SLC25A36: variants seen among roughly 807,000 people sequenced by gnomAD.
SLC25A36 encodes epididymis secretory sperm binding protein.
In SLC25A36, 24 loss-of-function variants were observed where a neutral mutation model predicts 35.3. That is an observed-to-expected ratio of 0.68 (90% CI 0.49 to 0.96). SLC25A36 has a LOEUF of 0.96. SLC25A36 is among the 40% of genes least tolerant of loss of function. SLC25A36 has a pLI of 0.00. For synonymous variants in SLC25A36, 141 were observed against 132.2 expected, an observed-to-expected ratio of 1.07 and a Z score of -0.46; for missense variants, 294 against 381.1, an observed-to-expected ratio of 0.77 and a Z score of 1.90.
chr3:140,966,396 G>C (rs1196251297), intron 4 of SLC25A36: 1 of 309,184 alleles, frequency 3.2e-6, no homozygotes, highest in Admixed American at 3.4e-5. Context: ...CATAAGTATG[G>C]ATGTGCAATA....
At chr3:140,959,297 G>T (rs937672616) in intron 2 of SLC25A36, among the ~76,000 whole-genome samples, 166 bp from the exon 3 acceptor site, 1 of 152,042 alleles carries the variant, frequency 6.6e-6, no homozygotes, top group Non-Finnish European at 1.5e-5. Context: ...TTACAGGCAT[G>T]AGCCACCATG....
At chr3:140,967,105 C>T (rs533889808) in intron 4 of SLC25A36, 9 of 450,708 alleles carry the variant, frequency 2.0e-5, no homozygotes, top group Non-Finnish European at 4.0e-5. Flanking sequence ...TTTATGATAG[C>T]TGTGGAATTA....
intron 4 of SLC25A36, chr3:140,963,871 A>C (rs1417349829): frequency 3.9e-5 from 6 of 152,046 alleles, no homozygotes; most frequent in Non-Finnish European, 7.4e-5. Context: ...ATTCTGAATT[A>C]AAATAACTAG....
intron 1 of SLC25A36, among the ~76,000 whole-genome samples, chr3:140,945,796 C>T (rs570361462): frequency 1.3e-5 from 2 of 148,202 alleles, no homozygotes; most frequent in South Asian, 2.1e-4. Context: ...AGTAAAAATA[C>T]TAATTTTATT....
intron 5 of SLC25A36, chr3:140,973,396 C>T (rs746839975): frequency 1.1e-5 from 2 of 176,788 alleles, no homozygotes; most frequent in African/African-American, 2.4e-5. Flanking sequence ...TTGTTTTTGT[C>T]TTGAGCTGCA....
chr3:140,961,810 AGGGCCACTGCACTCCGGCCT>A (rs1934634945), intron 3 of SLC25A36, among the ~76,000 whole-genome samples: 1 of 135,830 alleles, frequency 7.4e-6, no homozygotes, highest in South Asian at 2.6e-4. Context: ...GAGCCAATAT[AGGGCCACTGCACTCCGGCCT>A]GGGCAAAAGA....
rs1317821798 is a variant in SLC25A36 at position 140,977,808 on chromosome 3, T to C, written c.*1355T>C. 2.0e-5 allele frequency: 3 copies of C among 152,150 alleles called. No individual in the cohort carries two copies. Among genetic ancestry groups the C allele is most frequent in the Non-Finnish European group, 2.9e-5 (2 of 68,020 alleles). 9.4% of individuals were successfully genotyped at this position (152,150 alleles called of 1,614,324 possible). On this transcript the variant is annotated 3_prime_UTR_variant, in exon 7 of 7. Coordinates refer to ENST00000324194, the MANE Select transcript of SLC25A36 (RefSeq NM_001104647.3). ...GACGCCGGTGTGGTACTCATTTCAG[T>C]ATACCTGAACTGTACATTTTGTGCA... is the stretch of plus-strand genomic sequence containing the variant.
In SLC25A36 at chr3:140,976,971, A is replaced by G. The variant is rs1559819067; in HGVS notation, c.*518A>G. ...TATTTGGCAGTAGTCACTGTTTTTG[A>G]CAACCAATGAAATAGCGTCTAAATA... On this transcript the variant is annotated 3_prime_UTR_variant, in exon 7 of 7. Coordinates refer to ENST00000324194, the MANE Select transcript of SLC25A36 (RefSeq NM_001104647.3). 1.3e-5 allele frequency: 2 copies of G among 152,258 alleles called. No individual in the cohort carries two copies. The highest frequency in any genetic ancestry group is 2.9e-5 in the Non-Finnish European group (2 of 68,054). 9.4% of individuals were successfully genotyped at this position (152,258 alleles called of 1,614,324 possible).
chr3:140,978,294 C>T lies in SLC25A36; in HGVS notation c.*1841C>T, dbSNP rs946727917. 1 of 152,146 alleles carries T rather than the reference C, an allele frequency of 6.6e-6. No individual in the cohort carries two copies. The highest frequency in any genetic ancestry group is 2.4e-5 in the African/African-American group (1 of 41,448). The allele number at this position is 152,146 out of a possible 1,614,324, so 9.4% of individuals were successfully genotyped here. On this transcript the variant is annotated 3_prime_UTR_variant, in exon 7 of 7. Coordinates refer to ENST00000324194, the MANE Select transcript of SLC25A36 (RefSeq NM_001104647.3). ...TCGTACCTTTTATGGTAAATTTCAG[C>T]TTTGACATGTATTATGAGGAACGTA...
intron 1 of SLC25A36, 38 bp downstream of exon 1, chr3:140,942,133 G>A: frequency 8.0e-6 from 6 of 749,084 alleles, no homozygotes; most frequent in African/African-American, 1.9e-5. Context: ...GGGGCTGAGG[G>A]TGCTGGGGCC....
At chr3:140,945,618 T>C (rs919267072) in intron 1 of SLC25A36, among the ~76,000 whole-genome samples, 9 of 152,094 alleles carry the variant, frequency 5.9e-5, no homozygotes, top group African/African-American at 1.4e-4. Context: ...TGGCACAAAT[T>C]TGTTGACATT....
chr3:140,980,733 T>C lies in SLC25A36; in HGVS notation c.*4280T>C, dbSNP rs909028504. On this transcript the variant is annotated 3_prime_UTR_variant, in exon 7 of 7. Coordinates refer to ENST00000324194, the MANE Select transcript of SLC25A36 (RefSeq NM_001104647.3). ...TTAATATATATACACGGAGCTTCAC[T>C]CTTGTCACCCATGCTGGAGTGCAAT... Among the ~76,000 whole-genome samples the C allele has an allele frequency of 5.5e-5, 6 of 109,980 alleles. No individual in the cohort carries two copies. Among genetic ancestry groups the C allele is most frequent in the Non-Finnish European group, 1.0e-4 (6 of 59,584 alleles). 72.2% of individuals were successfully genotyped at this position (109,980 alleles called of 152,430 possible).
intron 5 of SLC25A36, among the ~76,000 whole-genome samples, 172 bp downstream of exon 5, chr3:140,971,165 C>G (rs1010881930): frequency 6.6e-6 from 1 of 151,882 alleles, no homozygotes; most frequent in African/African-American, 2.4e-5. Context: ...TGAACTTTTC[C>G]AGGTGAAAAA....
intron 1 of SLC25A36, among the ~76,000 whole-genome samples, chr3:140,955,633 C>T (rs1013007994): frequency 1.3e-5 from 2 of 152,090 alleles, no homozygotes; most frequent in African/African-American, 2.4e-5. Flanking sequence ...ACAAGCCTAC[C>T]TACATTGTAC....
intron 1 of SLC25A36, among the ~76,000 whole-genome samples, chr3:140,954,683 A>G (rs545402635): frequency 2.0e-4 from 31 of 152,270 alleles, no homozygotes; most frequent in African/African-American, 7.5e-4. Context: ...CTATCTGTTA[A>G]ATCTCTTACT....
chr3:140,972,035 T>C (rs1009173111), intron 5 of SLC25A36, among the ~76,000 whole-genome samples: 17 of 152,204 alleles, frequency 1.1e-4, no homozygotes, highest in African/African-American at 4.1e-4. Context: ...GAAATAGATC[T>C]TTTAATGAAA....
chr3:140,948,125 T>G (rs887626784), intron 1 of SLC25A36, among the ~76,000 whole-genome samples: 6 of 152,146 alleles, frequency 3.9e-5, no homozygotes, highest in African/African-American at 1.4e-4. Context: ...AGGTAATTTT[T>G]TGTACTTTTA....
rs553236670 is a variant in SLC25A36, at chr3:140,955,261, T to G, written c.42-1266T>G. The stretch of plus-strand genomic sequence containing the variant: ...TTCCTTTATATATATGTGTGTGTGT[T>G]TTTTTTATTGTGGAGGTAGAATTGT... On this transcript the variant is annotated intron_variant, in intron 1 of 6. Coordinates refer to ENST00000324194, the MANE Select transcript of SLC25A36 (RefSeq NM_001104647.3). Among the ~76,000 whole-genome samples, 52 of 152,178 alleles carry G rather than the reference T, an allele frequency of 3.4e-4. 1 individual carries two copies. Among genetic ancestry groups the G allele is most frequent in the South Asian group, 2.7e-3 (13 of 4,822 alleles).
intron 2 of SLC25A36, among the ~76,000 whole-genome samples, chr3:140,958,992 G>T (rs1431605312): frequency 7.3e-6 from 1 of 137,592 alleles, no homozygotes; most frequent in African/African-American, 2.8e-5. Flanking sequence ...GTGTGTGTGT[G>T]TGTGTGTGTG....
Sources: gnomAD v4.1 joint callset for allele counts (sites outside exome capture counted in the v4.1 genomes callset) on GRCh38, gnomAD v4.1.1 for gene constraint, MANE v1.5 for transcripts, NCBI Gene and HGNC (gene_info 2026-07-23, HGNC 2026-07-21) for gene names.